The following SGCZ variants were observed in gnomAD, a reference collection of about 807,000 sequenced individuals.
SGCZ encodes sarcoglycan zeta.
Under a neutral mutation model 41.3 loss-of-function variants are expected in SGCZ, and 40 were observed. The observed-to-expected ratio is 0.97, with a 90% CI of 0.75 to 1.26. The LOEUF (loss-of-function observed/expected upper bound fraction) is 1.26. SGCZ is among the 50% of genes most tolerant of loss of function. The pLI is 0.00. For synonymous variants in SGCZ, 206 were observed against 137.5 expected (o/e 1.50, Z -3.49); for missense variants, 552 against 369.8 (o/e 1.49, Z -4.04).
At chr8:14,271,791 A>T (rs1028207176) in intron 3 of SGCZ, among the ~76,000 whole-genome samples, 1 of 152,124 alleles carries the variant, frequency 6.6e-6, no homozygotes, top group Non-Finnish European at 1.5e-5. Context: ...ATTCATATCT[A>T]CTGTAAGGCA....
chr8:14,467,609 G>C (rs927556553), intron 2 of SGCZ, among the ~76,000 whole-genome samples: 1 of 151,984 alleles, frequency 6.6e-6, no homozygotes, highest in African/African-American at 2.4e-5. Flanking sequence ...TCCAAACCTT[G>C]TTCCAGAAAT....
chr8:15,123,310 CT>C (rs1807557757), intron 1 of SGCZ, among the ~76,000 whole-genome samples: 1 of 151,910 alleles, frequency 6.6e-6, no homozygotes, highest in Admixed American at 6.6e-5. Flanking sequence ...AGATTTATGC[CT>C]TTTATTTTCG....
chr8:14,193,030 G>C (rs914441187), intron 4 of SGCZ, among the ~76,000 whole-genome samples: 62 of 151,890 alleles, frequency 4.1e-4, no homozygotes, highest in African/African-American at 1.4e-3. Context: ...TATATTGGCA[G>C]AATGGGATAC....
chr8:15,170,207 C>A (rs1291667131), intron 1 of SGCZ, among the ~76,000 whole-genome samples: 1 of 152,162 alleles, frequency 6.6e-6, no homozygotes, highest in Non-Finnish European at 1.5e-5. Flanking sequence ...CTTGTCTGTG[C>A]CTGCCTGAGA....
intron 2 of SGCZ, among the ~76,000 whole-genome samples, chr8:14,519,499 C>T (rs1802724533): frequency 1.3e-5 from 2 of 151,948 alleles, no homozygotes; most frequent in African/African-American, 2.4e-5. Flanking sequence ...AGAAAAGATA[C>T]ATTGCAACGT....
intron 2 of SGCZ, among the ~76,000 whole-genome samples, chr8:14,332,100 T>C (rs1384590200): frequency 1.3e-5 from 2 of 152,032 alleles, no homozygotes; most frequent in Non-Finnish European, 1.5e-5. Flanking sequence ...AAAGAACATA[T>C]ATAATTGCTC....
At chr8:14,203,736 AAGAATC>A (rs1805530088) in intron 4 of SGCZ, among the ~76,000 whole-genome samples, 1 of 152,188 alleles carries the variant, frequency 6.6e-6, no homozygotes, top group Non-Finnish European at 1.5e-5. Flanking sequence ...GCTATGGAGA[AAGAATC>A]AGATAATTAA....
At chr8:14,865,837 C>G (rs890539804) in intron 1 of SGCZ, among the ~76,000 whole-genome samples, 1 of 152,028 alleles carries the variant, frequency 6.6e-6, no homozygotes, top group Non-Finnish European at 1.5e-5. Flanking sequence ...GGAAAGAATT[C>G]TCTGGCAAAG....
intron 3 of SGCZ, among the ~76,000 whole-genome samples, chr8:14,291,707 T>C (rs1373054110): frequency 6.6e-6 from 1 of 152,032 alleles, no homozygotes; most frequent in Non-Finnish European, 1.5e-5. Flanking sequence ...TCTTTTACTT[T>C]GGTACAACTT....
chr8:14,430,147 C>G (rs1293953502), intron 2 of SGCZ, among the ~76,000 whole-genome samples: 1 of 143,690 alleles, frequency 7.0e-6, no homozygotes, highest in Admixed American at 7.0e-5. Flanking sequence ...TCCATTGACA[C>G]TATTCCCACA....
rs1299725457 is a variant in SGCZ at position 14,085,382 on chromosome 8, C to T, written c.*5061G>A. 2.0e-5 allele frequency among the ~76,000 whole-genome samples: 3 copies of T among 151,684 alleles called. No individual in the cohort carries two copies. The highest frequency in any genetic ancestry group is 3.0e-5 in the Non-Finnish European group (2 of 67,778). ...ACTCAAACTCCAGATTACATATCTC[C>T]ATTGTTAATGAATGTCCTTGCCCAT... On this transcript the variant is annotated 3_prime_UTR_variant, in exon 8 of 8. Coordinates refer to ENST00000382080, the MANE Select transcript of SGCZ (RefSeq NM_139167.4).
intron 1 of SGCZ, among the ~76,000 whole-genome samples, chr8:14,803,534 GGCGCACCACGAGA>G (rs1207624761): frequency 6.6e-6 from 1 of 152,086 alleles, no homozygotes; most frequent in African/African-American, 2.4e-5. Flanking sequence ...CTTAAAAAAC[GGCGCACCACGAGA>G]TTATATCCCG....
intron 1 of SGCZ, among the ~76,000 whole-genome samples, chr8:15,004,534 C>CA (rs1563428585): frequency 6.6e-6 from 1 of 152,118 alleles, no homozygotes; most frequent in African/African-American, 2.4e-5. Flanking sequence ...CATAAAAACC[C>CA]AATGCAGAAC....
At chr8:14,232,044 T>C (rs1806590661) in intron 4 of SGCZ, among the ~76,000 whole-genome samples, 1 of 151,952 alleles carries the variant, frequency 6.6e-6, no homozygotes, top group South Asian at 2.1e-4. Context: ...TAATAGACAT[T>C]GACTCAAAAA....
intron 2 of SGCZ, among the ~76,000 whole-genome samples, chr8:14,393,621 G>T (rs959382231): frequency 1.3e-5 from 2 of 152,014 alleles, no homozygotes; most frequent in Non-Finnish European, 1.5e-5. Flanking sequence ...TCCACTGAGA[G>T]ACCTTTTTCT....
chr8:15,154,097 T>C lies in SGCZ; in HGVS notation c.39+83488A>G, dbSNP rs528035375. Among the ~76,000 whole-genome samples the C allele has an allele frequency of 5.0e-4, 72 of 143,266 alleles. 1 individual carries two copies. Among genetic ancestry groups the C allele is most frequent in the African/African-American group, 1.7e-3 (70 of 40,164 alleles). The allele number at this position is 143,266 out of a possible 152,430, so 94.0% of individuals were successfully genotyped here. A position where few individuals can be genotyped will look rare whatever the true frequency, so the allele number is the denominator to read the frequency against. On this transcript the variant is annotated intron_variant, in intron 1 of 7. Transcript: ENST00000382080. ...TCAGGAGGTCATATTCACTCACCAC[T>C]TACCCCCTGCATGTGGCCCGGTTCC...
intron 3 of SGCZ, among the ~76,000 whole-genome samples, chr8:14,306,560 T>A (rs1260632623): frequency 1.3e-5 from 2 of 152,168 alleles, no homozygotes; most frequent in African/African-American, 4.8e-5. Context: ...TAATTTTTGA[T>A]GACCAAAAGA....
chr8:15,209,811 G>A (rs1801183897), intron 1 of SGCZ, among the ~76,000 whole-genome samples: 1 of 152,000 alleles, frequency 6.6e-6, no homozygotes, highest in Admixed American at 6.6e-5. Context: ...TCTAGCGTAG[G>A]CTGTACTTCT....
intron 1 of SGCZ, among the ~76,000 whole-genome samples, chr8:14,946,010 A>G (rs1800430931): frequency 6.8e-5 from 1 of 14,630 alleles, no homozygotes; most frequent in Non-Finnish European, 1.3e-4. Context: ...GTCCCCATAT[A>G]TATATATATA....
Sources: allele counts gnomAD v4.1 joint callset (sites outside exome capture counted in the v4.1 genomes callset), GRCh38; gene constraint gnomAD v4.1.1; transcripts MANE v1.5; gene names NCBI Gene and HGNC (gene_info 2026-07-23, HGNC 2026-07-21).